SLX4IP: variants seen among roughly 807,000 people sequenced by gnomAD.
The protein encoded by SLX4IP is SLX4 interacting protein.
A neutral mutation model predicts 32.9 loss-of-function variants in SLX4IP; 34 were observed. That is an observed-to-expected ratio of 1.03 (90% CI 0.79 to 1.38). The LOEUF (loss-of-function observed/expected upper bound fraction) is 1.38. SLX4IP is among the 40% of genes most tolerant of loss of function. SLX4IP has a pLI of 0.00. For synonymous variants in SLX4IP, 172 were observed against 171.7 expected, an observed-to-expected ratio of 1.00 and a Z score of -0.01; for missense variants, 444 against 479.0, an observed-to-expected ratio of 0.93 and a Z score of 0.68.
intron 6 of SLX4IP, chr20:10,614,256 C>T: frequency 1.6e-6 from 1 of 610,282 alleles, no homozygotes; most frequent in Non-Finnish European, 2.9e-6. Flanking sequence ...AAAACAGATC[C>T]AGCTCTCAAA....
intron 4 of SLX4IP, among the ~76,000 whole-genome samples, chr20:10,575,036 T>C (rs1397269661): frequency 6.6e-6 from 1 of 152,092 alleles, no homozygotes; most frequent in East Asian, 1.9e-4. Context: ...ATTAGCTCCA[T>C]GAAGACTGAT....
intron 2 of SLX4IP, among the ~76,000 whole-genome samples, chr20:10,472,163 T>G (rs2065429474): frequency 6.6e-6 from 1 of 152,164 alleles, no homozygotes. Context: ...AGTTTTCTTA[T>G]CTATTAAATG....
chr20:10,515,971 C>G (rs1019397167), intron 2 of SLX4IP, among the ~76,000 whole-genome samples: 1 of 152,162 alleles, frequency 6.6e-6, no homozygotes, highest in Admixed American at 6.5e-5. Context: ...TCACTGTAGC[C>G]TCTGCCTCCA....
chr20:10,614,261 C>G (rs2078760772), intron 6 of SLX4IP: 2 of 607,812 alleles, frequency 3.3e-6, no homozygotes, highest in Admixed American at 6.0e-5. Context: ...AGATCCAGCT[C>G]TCAAAAGATG....
At chr20:10,468,755 G>T (rs907545783) in intron 2 of SLX4IP, among the ~76,000 whole-genome samples, 2 of 151,720 alleles carry the variant, frequency 1.3e-5, no homozygotes, top group African/African-American at 4.8e-5. Flanking sequence ...GTGTTTTTTT[G>T]ACTGTTATGT....
At chr20:10,464,209 A>G (rs545221099) in intron 2 of SLX4IP, among the ~76,000 whole-genome samples, 253 of 152,170 alleles carry the variant, frequency 1.7e-3, no homozygotes, top group Middle Eastern at 3.4e-3. Flanking sequence ...TGTTTGAAAG[A>G]TGGGGTCTCC....
At chr20:10,466,456 A>G (rs1157547704) in intron 2 of SLX4IP, among the ~76,000 whole-genome samples, 1 of 151,886 alleles carries the variant, frequency 6.6e-6, no homozygotes, top group Non-Finnish European at 1.5e-5. Context: ...TTCCCCCCCA[A>G]CCTACTTTAT....
At chr20:10,501,855 G>A (rs1325994207) in intron 2 of SLX4IP, among the ~76,000 whole-genome samples, 1 of 152,076 alleles carries the variant, frequency 6.6e-6, no homozygotes, top group Non-Finnish European at 1.5e-5. Flanking sequence ...CTAGTATTTT[G>A]TTATAAGACT....
In SLX4IP at chr20:10,500,709, C is replaced by G. The variant is rs142366271; in HGVS notation, c.27+42478C>G. On this transcript the variant is annotated intron_variant, in intron 2 of 7. Coordinates refer to ENST00000334534, the MANE Select transcript of SLX4IP (RefSeq NM_001009608.3). ...CGAGGCTGCATGAGCTATGACTGCA[C>G]CTCTGCACTCTAGCCTGGATGACAG... is the stretch of plus-strand genomic sequence containing the variant. 2.0e-5 allele frequency among the ~76,000 whole-genome samples: 3 copies of G among 152,222 alleles called. No individual in the cohort carries two copies. In the East Asian group the frequency reaches 5.8e-4, roughly 29 times the overall value.
intron 2 of SLX4IP, among the ~76,000 whole-genome samples, chr20:10,497,422 A>G (rs2065677539): frequency 6.6e-6 from 1 of 152,152 alleles, no homozygotes. Context: ...ATGTGGATTT[A>G]TCTTTTTTGC....
intron 2 of SLX4IP, among the ~76,000 whole-genome samples, chr20:10,474,102 C>T (rs567438306): frequency 1.9e-4 from 29 of 152,246 alleles, no homozygotes; most frequent in Middle Eastern, 3.4e-3. Flanking sequence ...GGATTACAGG[C>T]GTGAGCCACG....
intron 2 of SLX4IP, among the ~76,000 whole-genome samples, chr20:10,536,188 C>G (rs780729573): frequency 8.5e-5 from 13 of 152,054 alleles, no homozygotes; most frequent in Non-Finnish European, 1.6e-4. Flanking sequence ...TGGAATGTGA[C>G]AAGTTTTATA....
At position 10,496,035 on chromosome 20, in the gene SLX4IP, A is replaced by C. The variant is rs538917391; in HGVS notation, c.27+37804A>C. On this transcript the variant is annotated intron_variant, in intron 2 of 7. Coordinates refer to ENST00000334534, the MANE Select transcript of SLX4IP (RefSeq NM_001009608.3). ...GTTGTTTCTTGTTGTTGTTTGGTTG[A>C]TTTTTTTTTTCTGCACCTATTCATT... Among the ~76,000 whole-genome samples the C allele has an allele frequency of 2.0e-4, 29 of 146,660 alleles. 1 individual carries two copies. The South Asian group carries it at 5.6e-3, about 28-fold the overall frequency.
rs189346178 is a variant in SLX4IP, at chr20:10,574,388, T to C, written c.238+13568T>C. On this transcript the variant is annotated intron_variant, in intron 4 of 7. Transcript: ENST00000334534. Reference sequence around the variant, plus strand: ...GGCCTGCTGTGAACATACTGCTTCTTTCTCTCCCATCTCACCCATCTGAAC... The same window carrying C: ...GGCCTGCTGTGAACATACTGCTTCTCTCTCTCCCATCTCACCCATCTGAAC... Among the ~76,000 whole-genome samples, 343 of 152,298 alleles carry C rather than the reference T, an allele frequency of 2.3e-3. 1 individual carries two copies. The highest frequency in any genetic ancestry group is 8.0e-3 in the African/African-American group (331 of 41,562).
At chr20:10,614,882 G>A (rs1349136815) in intron 6 of SLX4IP, among the ~76,000 whole-genome samples, 1 of 152,108 alleles carries the variant, frequency 6.6e-6, no homozygotes, top group Non-Finnish European at 1.5e-5. Context: ...ATTTGACTAT[G>A]GAGTATTTAA....
chr20:10,597,730 T>A (rs550439328), intron 4 of SLX4IP, among the ~76,000 whole-genome samples: 1 of 152,330 alleles, frequency 6.6e-6, no homozygotes, highest in South Asian at 2.1e-4. Flanking sequence ...TTGTGAACAC[T>A]GTATGTTCAT....
chr20:10,504,966 A>G (rs2065746930), intron 2 of SLX4IP, among the ~76,000 whole-genome samples: 1 of 152,238 alleles, frequency 6.6e-6, no homozygotes, highest in South Asian at 2.1e-4. Flanking sequence ...GGAAAAAAAA[A>G]AATTTAATGA....
At position 10,518,488 on chromosome 20, in the gene SLX4IP, CT is replaced by C. The variant is rs375755031; in HGVS notation, c.28-37739del. Among the ~76,000 whole-genome samples the C allele has an allele frequency of 7.1e-3, 288 of 40,680 alleles. 11 individuals carry two copies. The highest frequency in any genetic ancestry group is 8.0e-3 in the African/African-American group (103 of 12,844). 26.7% of individuals were successfully genotyped at this position (40,680 alleles called of 152,430 possible). The stretch of plus-strand genomic sequence containing the variant: ...CTTTCCTTTCTTTTCCTTTCCTTTC[CT>C]TTTCCTTCCTTCCTTCCTTCCTTCC... On this transcript the variant is annotated intron_variant, in intron 2 of 7. Coordinates refer to ENST00000334534, the MANE Select transcript of SLX4IP (RefSeq NM_001009608.3).
chr20:10,445,174 A>G (rs1600877616), intron 1 of SLX4IP, among the ~76,000 whole-genome samples: 3 of 152,200 alleles, frequency 2.0e-5, no homozygotes, highest in Admixed American at 6.5e-5. Context: ...CCTAAATAAC[A>G]GAAGGGATGA....
Sources: gnomAD v4.1 joint callset for allele counts (sites outside exome capture counted in the v4.1 genomes callset) on GRCh38, gnomAD v4.1.1 for gene constraint, MANE v1.5 for transcripts, NCBI Gene and HGNC (gene_info 2026-07-23, HGNC 2026-07-21) for gene names.